The following ARL6IP6 variants were observed in gnomAD, a reference collection of about 807,000 sequenced individuals.
ARL6IP6 encodes ARF like GTPase 6 interacting protein 6.
Under a neutral mutation model 21.5 loss-of-function variants are expected in ARL6IP6, and 22 were observed. That is an observed-to-expected ratio of 1.02 (90% CI 0.73 to 1.46). ARL6IP6 has a LOEUF of 1.46. Ranked by LOEUF, ARL6IP6 falls within the 40% of genes most tolerant of loss-of-function variation. The pLI is 0.00. For missense variants in ARL6IP6, 388 were observed against 299.8 expected (o/e 1.29, Z -2.17); for synonymous variants, 164 against 125.3 (o/e 1.31, Z -2.06).
chr2:152,718,016 G>A, upstream of ARL6IP6: 1 of 995,164 alleles, frequency 1.0e-6, no homozygotes, highest in Non-Finnish European at 1.2e-6. Flanking sequence ...CGCGCCTGGG[G>A]AAGGAGGCGT....
chr2:152,725,831 A>G (rs1007341976), intron 2 of ARL6IP6, among the ~76,000 whole-genome samples: 3 of 152,216 alleles, frequency 2.0e-5, no homozygotes, highest in Non-Finnish European at 2.9e-5. Context: ...GGGAATTGAA[A>G]TTCGGATTTG....
intron 3 of ARL6IP6, among the ~76,000 whole-genome samples, chr2:152,750,247 G>C (rs1574063376): frequency 6.6e-6 from 1 of 152,256 alleles, no homozygotes; most frequent in East Asian, 1.9e-4. Context: ...GGAGTGCTGG[G>C]TGGATCACCT....
In ARL6IP6 at chr2:152,739,149, A is replaced by AT. The variant is rs1275538662; in HGVS notation, c.587+4032dup. ...AGGCGCCCACCACCACGCCCGGCTA[A>AT]TTTTTTTTTGTATTTTTAGTAGAGA... On this transcript the variant is annotated intron_variant, in intron 3 of 3. Coordinates refer to ENST00000326446, the MANE Select transcript of ARL6IP6 (RefSeq NM_152522.7). Among the ~76,000 whole-genome samples, 5 of 150,708 alleles carry AT rather than the reference A, an allele frequency of 3.3e-5. No individual in the cohort carries two copies. In the East Asian group the frequency reaches 5.9e-4, roughly 18 times the overall value.
At chr2:152,742,915 C>T (rs535376344) in intron 3 of ARL6IP6, among the ~76,000 whole-genome samples, 2 of 152,284 alleles carry the variant, frequency 1.3e-5, no homozygotes, top group South Asian at 4.1e-4. Context: ...TTGCAAGTAA[C>T]ATAGTTTGCA....
intron 3 of ARL6IP6, among the ~76,000 whole-genome samples, chr2:152,742,947 A>G (rs534812012): frequency 6.6e-6 from 1 of 152,306 alleles, no homozygotes; most frequent in East Asian, 1.9e-4. Flanking sequence ...ATTTTTATTC[A>G]CCATACTAGC....
intron 2 of ARL6IP6, among the ~76,000 whole-genome samples, chr2:152,733,812 C>G (rs960376346): frequency 6.6e-6 from 1 of 152,076 alleles, no homozygotes; most frequent in African/African-American, 2.4e-5. Context: ...AATTTACTTA[C>G]ATGTTTTATT....
chr2:152,751,038 C>G (rs1405361140), intron 3 of ARL6IP6, among the ~76,000 whole-genome samples: 1 of 151,930 alleles, frequency 6.6e-6, no homozygotes, highest in African/African-American at 2.4e-5. Flanking sequence ...GCCATGAAAC[C>G]GTGGGATTTT....
chr2:152,729,858 G>A (rs1700222326), intron 2 of ARL6IP6, among the ~76,000 whole-genome samples: 1 of 150,230 alleles, frequency 6.7e-6, no homozygotes, highest in Admixed American at 6.7e-5. Context: ...CATTTAATAT[G>A]CTTTCATTTT....
intron 2 of ARL6IP6, among the ~76,000 whole-genome samples, chr2:152,721,153 T>C (rs146531897): frequency 9.8e-5 from 15 of 152,290 alleles, no homozygotes; most frequent in Non-Finnish European, 1.9e-4. Flanking sequence ...ACACTAGTAA[T>C]ACATTTTAAA....
At chr2:152,736,498 G>C (rs1263141819) in intron 3 of ARL6IP6, among the ~76,000 whole-genome samples, 2 of 152,134 alleles carry the variant, frequency 1.3e-5, no homozygotes, top group Admixed American at 6.5e-5. Context: ...CTTATTCATT[G>C]TATTTGTCTA....
chr2:152,739,663 C>CCACATTTT (rs1233708949), intron 3 of ARL6IP6, among the ~76,000 whole-genome samples: 1 of 152,188 alleles, frequency 6.6e-6, no homozygotes, highest in East Asian at 1.9e-4. Context: ...AAAGTTACTC[C>CCACATTTT]CACATTTTCA....
Position 152,718,905 on chromosome 2 carries a change from C to T in ARL6IP6, c.281C>T (p.Ala94Val), listed in dbSNP as rs764667692. 1.2e-6 allele frequency: 2 copies of T among 1,613,970 alleles called. No homozygotes were observed. The highest frequency in any genetic ancestry group is 1.1e-5 in the South Asian group (1 of 91,014). Residue 94 changes from alanine (A) to valine (V), a missense_variant, in exon 1 of 4, where the codon GCC becomes GTC. By Grantham distance (64) the Ala-to-Val change is moderately conservative. Coordinates refer to ENST00000326446, the MANE Select transcript of ARL6IP6 (RefSeq NM_152522.7). Reference sequence around the variant, plus strand: ...AAGCGCAATGGTATCTTTCCCGCGGCCGCGGGCAGCAGAGCCCAGCCTCGG... The same window carrying T: ...AAGCGCAATGGTATCTTTCCCGCGGTCGCGGGCAGCAGAGCCCAGCCTCGG... ...PDKRNGIFPAAAGSRAQPRRW... is the reference protein window; with the variant it reads ...PDKRNGIFPAVAGSRAQPRRW...
chr2:152,750,903 G>A (rs1559242109), intron 3 of ARL6IP6, among the ~76,000 whole-genome samples: 1 of 152,138 alleles, frequency 6.6e-6, no homozygotes, highest in African/African-American at 2.4e-5. Flanking sequence ...TGTCACATTC[G>A]TATATGCAAA....
upstream of ARL6IP6, chr2:152,718,346 C>A: frequency 8.3e-6 from 3 of 362,818 alleles, no homozygotes; most frequent in Non-Finnish European, 1.4e-5. Context: ...GGAGTGGATA[C>A]TCGACAGCCT....
At position 152,718,790 on chromosome 2, in the gene ARL6IP6, C is replaced by G. The variant is rs761529448; in HGVS notation, c.166C>G (p.Arg56Gly). The change falls in exon 1 of 4, where the codon CGG (arginine) becomes GGG (glycine). Residue 56 changes from arginine to glycine, a missense_variant. Physicochemically the swap from Arg to Gly is moderately radical, Grantham distance 125. Transcript: ENST00000326446. ...EGCDQVARDL[R>G]AEFSAGAWSE... is the part of the protein sequence containing the mutation. Reference sequence around the variant, plus strand: ...ATGCGACCAAGTGGCCCGCGACCTGCGGGCGGAGTTCTCGGCTGGGGCGTG... The same window carrying G: ...ATGCGACCAAGTGGCCCGCGACCTGGGGGCGGAGTTCTCGGCTGGGGCGTG... The G allele has an allele frequency of 8.7e-6, 14 of 1,606,090 alleles. No homozygotes were observed. The Admixed American group carries it at 1.5e-4, about 18-fold the overall frequency.
At chr2:152,734,255 G>A (rs191710716) in intron 2 of ARL6IP6, among the ~76,000 whole-genome samples, 95 of 152,148 alleles carry the variant, frequency 6.2e-4, no homozygotes, top group Non-Finnish European at 1.0e-3. Flanking sequence ...AACTCAGTGC[G>A]AATAAAATCT....
rs1367203314 is a variant in ARL6IP6 at position 152,718,644 on chromosome 2, G to A, written c.20G>A (p.Gly7Glu). The change falls in exon 1 of 4, where the codon GGG (glycine) becomes GAG (glutamate). Residue 7 changes from glycine (G) to glutamate (E), a missense_variant. Gly to Glu is a moderately conservative substitution (Grantham distance 98, BLOSUM62 -2). Coordinates refer to ENST00000326446, the MANE Select transcript of ARL6IP6 (RefSeq NM_152522.7). Reference protein sequence around the residue: MSFAESGWRSALRRRGP... With the variant: MSFAESEWRSALRRRGP... ...CGCGCCATGTCGTTTGCTGAGAGCG[G>A]GTGGCGGTCGGCTCTGCGGCGCCGC... is the stretch of plus-strand genomic sequence containing the variant. 1.3e-6 allele frequency: 2 copies of A among 1,545,226 alleles called. No individual in the cohort carries two copies. Among genetic ancestry groups the A allele is most frequent in the South Asian group, 1.2e-5 (1 of 81,616 alleles).
rs1461344674 is a variant in ARL6IP6, at chr2:152,760,993, C to A, written c.*1153C>A. 1 of 152,008 alleles carries A rather than the reference C, an allele frequency of 6.6e-6. No homozygotes were observed. Among genetic ancestry groups the A allele is most frequent in the African/African-American group, 2.4e-5 (1 of 41,352 alleles). 9.4% of individuals were successfully genotyped at this position (152,008 alleles called of 1,614,324 possible). On this transcript the variant is annotated 3_prime_UTR_variant, in exon 4 of 4. Transcript: ENST00000326446. Reference sequence around the variant, plus strand: ...AAGACTTTTAATGTTTAGAAAGTTACCTCAGTTTTAGAAAGATGGACTACT... The same window carrying A: ...AAGACTTTTAATGTTTAGAAAGTTAACTCAGTTTTAGAAAGATGGACTACT...
intron 3 of ARL6IP6, among the ~76,000 whole-genome samples, chr2:152,758,604 G>A (rs767770868): frequency 6.6e-6 from 1 of 152,116 alleles, no homozygotes; most frequent in Non-Finnish European, 1.5e-5. Context: ...CCCTAGTTGG[G>A]TAAAGAAAGG....
Sources: allele counts gnomAD v4.1 joint callset (sites outside exome capture counted in the v4.1 genomes callset), GRCh38; gene constraint gnomAD v4.1.1; transcripts MANE v1.5; gene names NCBI Gene and HGNC (gene_info 2026-07-23, HGNC 2026-07-21).